Variants in SLC38A12 observed in about 807,000 individuals in gnomAD.
SLC38A12 encodes the protein putative sodium-coupled neutral amino acid transporter 12.
the SLC38A12 span, among the ~76,000 whole-genome samples, chr17:74,835,572 G>T: frequency 1.3e-5 from 2 of 152,132 alleles, no homozygotes; most frequent in Admixed American, 6.5e-5. Flanking sequence ...GAGCCCTGGG[G>T]GTCTGATGAG....
At chr17:74,776,758 G>A in the SLC38A12 span, among the ~76,000 whole-genome samples, 9 of 152,314 alleles carry the variant, frequency 5.9e-5, no homozygotes, top group African/African-American at 2.2e-4. Flanking sequence ...AAGAGAGTAG[G>A]TGGGGCCAGG....
chr17:74,792,003 G>A, the SLC38A12 span, among the ~76,000 whole-genome samples: 4 of 151,694 alleles, frequency 2.6e-5, no homozygotes, highest in East Asian at 1.9e-4. Context: ...AAAATTAGCC[G>A]GGCATGGTGG....
chr17:74,784,427 G>T, the SLC38A12 span, among the ~76,000 whole-genome samples: 1 of 152,164 alleles, frequency 6.6e-6, no homozygotes, highest in Non-Finnish European at 1.5e-5. Flanking sequence ...AAGGAAGGAG[G>T]ATGGGGCCAC....
At chr17:74,839,553 A>G in the SLC38A12 span, 1 of 167,210 alleles carries the variant, frequency 6.0e-6, no homozygotes. Context: ...GCTGAGGGTC[A>G]TTATGTGCCA....
the SLC38A12 span, among the ~76,000 whole-genome samples, chr17:74,800,543 T>G: frequency 3.9e-5 from 6 of 152,244 alleles, no homozygotes; most frequent in African/African-American, 1.2e-4. Context: ...ACTTGAATAT[T>G]TATTCTTGCC....
chr17:74,817,390 C>G, the SLC38A12 span, among the ~76,000 whole-genome samples: 5 of 152,140 alleles, frequency 3.3e-5, no homozygotes, highest in African/African-American at 1.2e-4. Flanking sequence ...AGCCATTGGC[C>G]AGATCTTCCA....
chr17:74,790,242 G>A, the SLC38A12 span: 1 of 1,614,132 alleles, frequency 6.2e-7, no homozygotes. Context: ...AGACAGCGAT[G>A]TTCTCATCCG....
At chr17:74,783,483 A>C in the SLC38A12 span, among the ~76,000 whole-genome samples, 1 of 152,128 alleles carries the variant, frequency 6.6e-6, no homozygotes, top group African/African-American at 2.4e-5. Flanking sequence ...AAGGCTGGGT[A>C]GGAGTTGGAG....
the SLC38A12 span, among the ~76,000 whole-genome samples, chr17:74,812,006 A>G: frequency 6.6e-6 from 1 of 151,812 alleles, no homozygotes; most frequent in African/African-American, 2.4e-5. Flanking sequence ...TGATCGCACC[A>G]CTGCACTCCA....
At chr17:74,817,680 C>G in the SLC38A12 span, among the ~76,000 whole-genome samples, 19 of 152,304 alleles carry the variant, frequency 1.2e-4, no homozygotes, top group African/African-American at 4.6e-4. Context: ...CTGCCGAGGA[C>G]AGGAACAGAG....
chr17:74,777,376 G>A, the SLC38A12 span: 5 of 1,614,060 alleles, frequency 3.1e-6, no homozygotes, highest in South Asian at 1.1e-5. Context: ...CTCTTCCTAC[G>A]TGAGTGTGAC....
At chr17:74,808,120 C>A in the SLC38A12 span, among the ~76,000 whole-genome samples, 4 of 152,232 alleles carry the variant, frequency 2.6e-5, no homozygotes, top group African/African-American at 9.6e-5. Flanking sequence ...GGCTTTTCAG[C>A]CGAGAAAGAG....
At chr17:74,783,752 A>C in the SLC38A12 span, among the ~76,000 whole-genome samples, 1 of 107,858 alleles carries the variant, frequency 9.3e-6, no homozygotes, top group African/African-American at 3.9e-5. Context: ...TTTTTTTGAG[A>C]CGGAGTCTCG....
chr17:74,786,631 G>C, the SLC38A12 span, among the ~76,000 whole-genome samples: 1 of 152,366 alleles, frequency 6.6e-6, no homozygotes, highest in South Asian at 2.1e-4. Context: ...AGGATCTGAA[G>C]GGGGAGGGAG....
At chr17:74,822,425 G>A in the SLC38A12 span, among the ~76,000 whole-genome samples, 19 of 152,246 alleles carry the variant, frequency 1.2e-4, 1 homozygote, top group African/African-American at 2.4e-5. Flanking sequence ...CAGTGGCCTC[G>A]AGAGAGGCTT....
chr17:74,823,946 G>A, the SLC38A12 span, among the ~76,000 whole-genome samples: 26 of 152,256 alleles, frequency 1.7e-4, 1 homozygote, highest in Admixed American at 9.2e-4. Context: ...TGTTGTTAGC[G>A]CAGCACCTGC....
chr17:74,785,708 G>C, the SLC38A12 span: 9 of 1,442,846 alleles, frequency 6.2e-6, no homozygotes, highest in Non-Finnish European at 7.4e-6. Flanking sequence ...GAAGACACCT[G>C]TCTACCCCGT....
chr17:74,835,761 G>A, the SLC38A12 span, among the ~76,000 whole-genome samples: 1 of 152,340 alleles, frequency 6.6e-6, no homozygotes, highest in African/African-American at 2.4e-5. Context: ...ACCTTCCTCT[G>A]ATGAGCAGCC....
the SLC38A12 span, chr17:74,788,921 C>T: frequency 6.5e-7 from 1 of 1,549,552 alleles, no homozygotes; most frequent in Non-Finnish European, 8.8e-7. Flanking sequence ...CGTCAGGTAC[C>T]CAGCAGGCGG....
Sources: gnomAD v4.1 joint callset for allele counts (sites outside exome capture counted in the v4.1 genomes callset) on GRCh38, gnomAD v4.1.1 for gene constraint, MANE v1.5 for transcripts, NCBI Gene and HGNC (gene_info 2026-07-23, HGNC 2026-07-21) for gene names.